The following GALNTL6 variants were observed in gnomAD, a reference collection of about 807,000 sequenced individuals.
The protein encoded by GALNTL6 is polypeptide N-acetylgalactosaminyltransferase-like 6.
GALNTL6 carries 46 observed loss-of-function variants against 73.7 expected under a neutral mutation model. The observed-to-expected ratio is 0.62, with a 90% confidence interval of 0.49 to 0.80. The LOEUF (loss-of-function observed/expected upper bound fraction) is 0.80, where lower values mean the gene tolerates loss of function less well. Ranked by LOEUF, GALNTL6 falls within the 30% of genes least tolerant of loss-of-function variation. The pLI is 0.00. For synonymous variants in GALNTL6, 259 were observed against 263.7 expected (o/e 0.98, Z 0.17); for missense variants, 604 against 755.0 (o/e 0.80, Z 2.34).
chr4:172,221,148 C>T (rs1007403130), intron 2 of GALNTL6, among the ~76,000 whole-genome samples: 1 of 151,806 alleles, frequency 6.6e-6, no homozygotes, highest in Non-Finnish European at 1.5e-5. Flanking sequence ...TTCTTTGTCA[C>T]TATCACCCTT....
intron 2 of GALNTL6, among the ~76,000 whole-genome samples, chr4:172,074,385 A>T (rs1731640768): frequency 6.6e-6 from 1 of 152,210 alleles, no homozygotes; most frequent in Admixed American, 6.5e-5. Context: ...TTAATGAAGC[A>T]AAACAAACAA....
chr4:172,771,268 G>A (rs1738746043), intron 5 of GALNTL6, among the ~76,000 whole-genome samples: 2 of 152,134 alleles, frequency 1.3e-5, no homozygotes, highest in African/African-American at 4.8e-5. Flanking sequence ...ACAACAAATA[G>A]CAGTTGTTTT....
At chr4:172,931,742 G>A (rs1471513339) in intron 9 of GALNTL6, among the ~76,000 whole-genome samples, 2 of 152,138 alleles carry the variant, frequency 1.3e-5, no homozygotes, top group East Asian at 3.9e-4. Flanking sequence ...CATAACTAGG[G>A]CCAGCTCTGC....
chr4:172,900,103 C>T (rs1746543309), intron 8 of GALNTL6, among the ~76,000 whole-genome samples: 1 of 152,110 alleles, frequency 6.6e-6, no homozygotes, highest in African/African-American at 2.4e-5. Flanking sequence ...TACCCAGCCT[C>T]TATTCAAGAT....
intron 12 of GALNTL6, among the ~76,000 whole-genome samples, chr4:173,035,349 T>C (rs1044430061): frequency 6.6e-6 from 1 of 151,666 alleles, no homozygotes; most frequent in Non-Finnish European, 1.5e-5. Flanking sequence ...CAGCTAATTT[T>C]GTATTTTTAG....
chr4:171,877,348 G>T (rs1410093074), intron 2 of GALNTL6, among the ~76,000 whole-genome samples: 1 of 152,036 alleles, frequency 6.6e-6, no homozygotes, highest in Non-Finnish European at 1.5e-5. Flanking sequence ...TGGTAGAAAT[G>T]AACTACTGCA....
chr4:172,871,351 G>A (rs1744918864), intron 7 of GALNTL6, among the ~76,000 whole-genome samples: 1 of 152,086 alleles, frequency 6.6e-6, no homozygotes, highest in African/African-American at 2.4e-5. Context: ...TGATGAATGT[G>A]CCCCAACAGA....
At chr4:172,103,786 C>T (rs1203347996) in intron 2 of GALNTL6, among the ~76,000 whole-genome samples, 1 of 152,140 alleles carries the variant, frequency 6.6e-6, no homozygotes, top group Non-Finnish European at 1.5e-5. Context: ...GGTGATCTGA[C>T]CTGGAGTCTC....
intron 2 of GALNTL6, among the ~76,000 whole-genome samples, chr4:171,836,806 T>C (rs185568881): frequency 6.6e-6 from 1 of 151,998 alleles, no homozygotes; most frequent in African/African-American, 2.4e-5. Context: ...TACAAGCAAA[T>C]AGATCAAATA....
chr4:172,103,146 A>T (rs913732173), intron 2 of GALNTL6, among the ~76,000 whole-genome samples: 3 of 152,174 alleles, frequency 2.0e-5, no homozygotes, highest in Non-Finnish European at 4.4e-5. Flanking sequence ...CCACCGGCTA[A>T]TCACCCAGTG....
intron 5 of GALNTL6, among the ~76,000 whole-genome samples, chr4:172,351,183 C>CTGTCTGTCTATCTATT (rs528746102): frequency 9.9e-5 from 13 of 131,528 alleles, no homozygotes; most frequent in East Asian, 6.2e-4. Flanking sequence ...AATAATCTGT[C>CTGTCTGTCTATCTATT]TATCTATCTA....
chr4:171,930,679 T>TA (rs1184264363), intron 2 of GALNTL6, among the ~76,000 whole-genome samples: 1 of 151,504 alleles, frequency 6.6e-6, no homozygotes, highest in African/African-American at 2.4e-5. Flanking sequence ...TACTAAAAAA[T>TA]AAAAAAAATA....
intron 3 of GALNTL6, among the ~76,000 whole-genome samples, chr4:172,256,946 A>G (rs767733614): frequency 2.0e-5 from 3 of 151,164 alleles, no homozygotes; most frequent in Non-Finnish European, 4.5e-5. Context: ...TCCAAAGCAC[A>G]CTCTGTTCTG....
chr4:171,918,620 T>C (rs1737695725), intron 2 of GALNTL6, among the ~76,000 whole-genome samples: 2 of 152,154 alleles, frequency 1.3e-5, no homozygotes, highest in Admixed American at 1.3e-4. Context: ...AATTACCATA[T>C]GATCCAGCAA....
At chr4:172,907,235 GAA>G (rs1655925661) in intron 8 of GALNTL6, among the ~76,000 whole-genome samples, 1 of 151,222 alleles carries the variant, frequency 6.6e-6, no homozygotes, top group South Asian at 2.1e-4. Flanking sequence ...AATCAGAAAA[GAA>G]AGAAATTCTT....
intron 5 of GALNTL6, among the ~76,000 whole-genome samples, chr4:172,734,459 T>G (rs1579412093): frequency 2.0e-5 from 3 of 152,188 alleles, no homozygotes; most frequent in African/African-American, 4.8e-5. Context: ...TGGGAGAAAT[T>G]GGCCAAAACA....
chr4:171,882,785 C>T (rs1736487215), intron 2 of GALNTL6, among the ~76,000 whole-genome samples: 1 of 152,202 alleles, frequency 6.6e-6, no homozygotes, highest in Admixed American at 6.5e-5. Context: ...CCCTCACAGC[C>T]ACCCAGGAAC....
intron 8 of GALNTL6, among the ~76,000 whole-genome samples, chr4:172,926,465 G>A (rs541783703): frequency 9.2e-5 from 14 of 152,264 alleles, no homozygotes; most frequent in African/African-American, 3.4e-4. Context: ...TGCTCACTTT[G>A]TAAGTATTTT....
chr4:172,057,725 A>ATT (rs1275437394), intron 2 of GALNTL6, among the ~76,000 whole-genome samples: 3,164 of 62,826 alleles, frequency 0.05, 71 homozygotes, highest in South Asian at 0.066. Context: ...AAAAAAAAAA[A>ATT]AAATATATAT....
Sources: allele counts gnomAD v4.1 joint callset (sites outside exome capture counted in the v4.1 genomes callset), GRCh38; gene constraint gnomAD v4.1.1; transcripts MANE v1.5; gene names NCBI Gene and HGNC (gene_info 2026-07-23, HGNC 2026-07-21).